Variants in TICRR observed in about 807,000 individuals in gnomAD.
TICRR encodes the protein TOPBP1 interacting checkpoint and replication regulator.
Under a neutral mutation model 178.1 loss-of-function variants are expected in TICRR, and 132 were observed. The ratio of observed to expected loss-of-function variants is 0.74; its 90% CI spans 0.64 to 0.86. The LOEUF (loss-of-function observed/expected upper bound fraction) is 0.86, where lower values mean the gene tolerates loss of function less well. Ranked by LOEUF, TICRR falls within the 40% of genes least tolerant of loss-of-function variation. TICRR has a pLI of 0.00. For synonymous variants in TICRR, 991 were observed against 900.7 expected (o/e 1.10, Z -1.79); for missense variants, 2,587 against 2,334.3 (o/e 1.11, Z -2.23).
chr15:89,606,737 A>G (rs1397403073), intron 13 of TICRR, 31 bp from the exon 14 acceptor site: 1 of 1,602,346 alleles, frequency 6.2e-7, no homozygotes, highest in Non-Finnish European at 8.5e-7. Flanking sequence ...TGCCTATTTA[A>G]ATTTTCTTTC....
intron 13 of TICRR, among the ~76,000 whole-genome samples, chr15:89,606,111 G>A (rs1347684610): frequency 6.6e-6 from 1 of 152,130 alleles, no homozygotes; most frequent in African/African-American, 2.4e-5. Flanking sequence ...ATAGTTTGTT[G>A]TGTATATTTC....
intron 1 of TICRR, among the ~76,000 whole-genome samples, chr15:89,576,813 GTGTGTGTGTATATA>G (rs1290589693): frequency 6.8e-4 from 6 of 8,876 alleles, no homozygotes; most frequent in African/African-American, 1.2e-3. Context: ...GTGTGTGTAT[GTGTGTGTGTATATA>G]TATATATATA....
At chr15:89,615,810 A>G (rs1427516449) in intron 15 of TICRR, among the ~76,000 whole-genome samples, 1 of 152,140 alleles carries the variant, frequency 6.6e-6, no homozygotes, top group African/African-American at 2.4e-5. Flanking sequence ...AGAACCACCA[A>G]CTAGGTGTTA....
At chr15:89,618,271 G>A in intron 17 of TICRR, 61 bp downstream of exon 17, 1 of 1,470,266 alleles carries the variant, frequency 6.8e-7, no homozygotes, top group Non-Finnish European at 9.5e-7. Context: ...AAACCTTTCT[G>A]TATGTATTGT....
At chr15:89,580,591 T>C (rs1962706484) in intron 1 of TICRR, among the ~76,000 whole-genome samples, 1 of 152,250 alleles carries the variant, frequency 6.6e-6, no homozygotes, top group Non-Finnish European at 1.5e-5. Flanking sequence ...CTGAAAAGTT[T>C]AGATAGATTA....
chr15:89,578,886 G>A (rs1304918637), intron 1 of TICRR, among the ~76,000 whole-genome samples: 2 of 152,148 alleles, frequency 1.3e-5, no homozygotes, highest in African/African-American at 4.8e-5. Context: ...CAGCCATGCT[G>A]GGCAAAAGGA....
At position 89,627,617 on chromosome 15, in the gene TICRR, G is replaced by A. The variant is rs1403196203; in HGVS notation, c.*531G>A. ...GTGACTGAGCACTCAGTACATTTTT[G>A]TTTAATGTTGGGCCTGAGGTTAACT... On this transcript the variant is annotated 3_prime_UTR_variant, in exon 22 of 22. Coordinates refer to ENST00000268138, the MANE Select transcript of TICRR (RefSeq NM_152259.4). 1 of 154,754 alleles carries A rather than the reference G, an allele frequency of 6.5e-6. No homozygotes were observed. Among genetic ancestry groups the A allele is most frequent in the Non-Finnish European group, 1.4e-5 (1 of 69,684 alleles). The allele number at this position is 154,754 out of a possible 1,614,324, so 9.6% of individuals were successfully genotyped here. A position where few individuals can be genotyped will look rare whatever the true frequency, so the allele number is the denominator to read the frequency against.
chr15:89,592,912 T>G (rs996962662), intron 5 of TICRR, among the ~76,000 whole-genome samples: 3 of 152,228 alleles, frequency 2.0e-5, no homozygotes, highest in Non-Finnish European at 4.4e-5. Context: ...AAAAATCAAC[T>G]GGCCACCTTT....
intron 13 of TICRR, among the ~76,000 whole-genome samples, chr15:89,604,768 C>CAAAA (rs35046074): frequency 2.3e-4 from 24 of 106,506 alleles, no homozygotes; most frequent in South Asian, 3.1e-4. Context: ...GAGACTCTGT[C>CAAAA]AAAAAAAAAA....
Position 89,591,195 on chromosome 15 carries a change from G to A in TICRR, c.1412-852G>A, listed in dbSNP as rs556024594. Among the ~76,000 whole-genome samples the A allele has an allele frequency of 3.9e-5, 6 of 152,202 alleles. No individual in the cohort carries two copies. The East Asian group carries it at 5.8e-4, about 15-fold the overall frequency. ...GGCTGGAGTGCAGTGGCGTGATCTC[G>A]GCTCACTGCAACCTCAGCCTCCCGG... On this transcript the variant is annotated intron_variant, in intron 4 of 21. Transcript: ENST00000268138.
In TICRR at chr15:89,584,495, G is replaced by T; in HGVS notation, c.1144G>T (p.Val382Leu). Residue 382 changes from valine to leucine, a missense_variant, in exon 3 of 22, where the codon GTA becomes TTA. By Grantham distance (32) the Val-to-Leu change is conservative (BLOSUM62 1). Transcript: ENST00000268138. Reference sequence around the variant, plus strand: ...TCAAAGGCTGTTATTTCAGCAGTTGGTAAGCAGGCTGACTGCTGAAGAGTT... The same window carrying T: ...TCAAAGGCTGTTATTTCAGCAGTTGTTAAGCAGGCTGACTGCTGAAGAGTT... The part of the protein sequence containing the change: ...ATQRLLFQQL[V>L]SRLTAEELHL... 2 of 1,596,054 alleles carry T rather than the reference G, an allele frequency of 1.3e-6. No homozygotes were observed. Among genetic ancestry groups the T allele is most frequent in the Non-Finnish European group, 1.7e-6 (2 of 1,169,550 alleles).
rs764948308 is a variant in TICRR at position 89,582,753 on chromosome 15, C to T, written c.722C>T (p.Thr241Ile). 1.2e-6 allele frequency: 2 copies of T among 1,614,122 alleles called. No homozygotes were observed. Among genetic ancestry groups the T allele is most frequent in the South Asian group, 1.1e-5 (1 of 91,088 alleles). Residue 241 changes from threonine (T) to isoleucine (I), a missense_variant, in exon 2 of 22, where the codon ACT (threonine) becomes ATT (isoleucine). Physicochemically the swap from Thr to Ile is moderately conservative, Grantham distance 89. Coordinates refer to ENST00000268138, the MANE Select transcript of TICRR (RefSeq NM_152259.4). Reference protein sequence around the residue: ...VCELLHHGGGTVLPSESFSWD... With the variant: ...VCELLHHGGGIVLPSESFSWD... ...GAACTGCTCCACCACGGAGGTGGCA[C>T]TGTCTTGCCATCTGAATCTTTCAGC...
At chr15:89,626,635 C>T (rs1337873564) in intron 21 of TICRR, among the ~76,000 whole-genome samples, 1 of 152,048 alleles carries the variant, frequency 6.6e-6, no homozygotes, top group East Asian at 1.9e-4. Flanking sequence ...CCCTCAAGAC[C>T]ATGATATAAA....
chr15:89,576,532 G>A (rs1962617878), intron 1 of TICRR, among the ~76,000 whole-genome samples: 1 of 151,868 alleles, frequency 6.6e-6, no homozygotes, highest in Non-Finnish European at 1.5e-5. Context: ...AAAATCAACA[G>A]GTCTGGACTG....
intron 5 of TICRR, among the ~76,000 whole-genome samples, chr15:89,594,074 A>G (rs1237630655): frequency 6.6e-6 from 1 of 152,208 alleles, no homozygotes; most frequent in Non-Finnish European, 1.5e-5. Flanking sequence ...GTACTTTGAT[A>G]TATGGAAACT....
At chr15:89,579,871 C>A (rs1277190100) in intron 1 of TICRR, 1 of 152,282 alleles carries the variant, frequency 6.6e-6, no homozygotes, top group Non-Finnish European at 1.5e-5. Context: ...TTCTCAGCCT[C>A]CATAACTGTA....
At chr15:89,598,104 T>C (rs1227114743) in intron 7 of TICRR, among the ~76,000 whole-genome samples, 1 of 151,142 alleles carries the variant, frequency 6.6e-6, no homozygotes, top group Non-Finnish European at 1.5e-5. Flanking sequence ...TTTGCTATAA[T>C]CACTTGTTAG....
intron 1 of TICRR, among the ~76,000 whole-genome samples, chr15:89,576,854 TATATATACAC>T (rs1238250959): frequency 1.3e-5 from 1 of 75,798 alleles, no homozygotes; most frequent in African/African-American, 4.2e-5. Flanking sequence ...TATATATATA[TATATATACAC>T]ACACACACAT....
At chr15:89,594,917 T>G (rs1240803785) in intron 6 of TICRR, among the ~76,000 whole-genome samples, 1 of 152,186 alleles carries the variant, frequency 6.6e-6, no homozygotes, top group African/African-American at 2.4e-5. Context: ...TTGCTTTCAG[T>G]TTTCATCATT....
Sources: gnomAD v4.1 joint callset for allele counts (sites outside exome capture counted in the v4.1 genomes callset) on GRCh38, gnomAD v4.1.1 for gene constraint, MANE v1.5 for transcripts, NCBI Gene and HGNC (gene_info 2026-07-23, HGNC 2026-07-21) for gene names.